The following STARD10 variants were observed in gnomAD, a reference collection of about 807,000 sequenced individuals.
STARD10 encodes StAR related lipid transfer domain containing 10, also known as START domain-containing protein 10.
A neutral mutation model predicts 36.0 loss-of-function variants in STARD10; 24 were observed. The ratio of observed to expected loss-of-function variants is 0.67; its 90% confidence interval spans 0.48 to 0.94. The LOEUF (loss-of-function observed/expected upper bound fraction) is 0.94. STARD10 is among the 40% of genes least tolerant of loss of function. The probability of loss-of-function intolerance (pLI) is 0.00; values close to 1 mark genes in which losing one functional copy is unlikely to be tolerated. For synonymous variants in STARD10, 156 were observed against 161.9 expected, an observed-to-expected ratio of 0.96 and a Z score of 0.28; for missense variants, 335 against 396.6, an observed-to-expected ratio of 0.84 and a Z score of 1.32.
rs1165817619 is a variant in STARD10 at position 72,793,343 on chromosome 11, G to T, written c.-582C>A. 6.6e-6 allele frequency: 1 copy of T among 152,224 alleles called. No individual in the cohort carries two copies. Among genetic ancestry groups the T allele is most frequent in the Non-Finnish European group, 1.5e-5 (1 of 68,040 alleles). The allele number at this position is 152,224 out of a possible 1,614,324, so 9.4% of individuals were successfully genotyped here. A position where few individuals can be genotyped will look rare whatever the true frequency, so the allele number is the denominator to read the frequency against. The stretch of plus-strand genomic sequence containing the variant: ...CTGTTTTCACCCCTGGATCTCATTT[G>T]ATCCTCCCAACAGCCTGTTTGCATT... On this transcript the variant is annotated 5_prime_UTR_variant, in exon 1 of 7. Coordinates refer to ENST00000334805, the MANE Select transcript of STARD10 (RefSeq NM_006645.3).
chr11:72,777,110 C>T (rs1858937694), intron 2 of STARD10, among the ~76,000 whole-genome samples: 1 of 152,224 alleles, frequency 6.6e-6, no homozygotes, highest in East Asian at 1.9e-4. Context: ...CCCAAGGCTG[C>T]CTGTGCAGTG....
At chr11:72,759,972 G>A (rs965786692) in intron 2 of STARD10, among the ~76,000 whole-genome samples, 14 of 151,536 alleles carry the variant, frequency 9.2e-5, no homozygotes, top group African/African-American at 3.4e-4. Context: ...GTGCAGTGGC[G>A]CGATCTTGGC....
intron 2 of STARD10, chr11:72,780,549 G>A (rs975669431): frequency 1.1e-5 from 4 of 355,098 alleles, no homozygotes; most frequent in Admixed American, 3.6e-5. Context: ...GCAGAAAGCG[G>A]GGAAGGAGAC....
chr11:72,756,376 G>GTCAT (rs1318763954), intron 5 of STARD10, among the ~76,000 whole-genome samples: 2 of 151,944 alleles, frequency 1.3e-5, no homozygotes, highest in African/African-American at 4.8e-5. Context: ...CCATCCTCTA[G>GTCAT]TCATTCACTC....
intron 1 of STARD10, among the ~76,000 whole-genome samples, chr11:72,789,664 G>A (rs184745538): frequency 2.5e-4 from 38 of 152,296 alleles, no homozygotes; most frequent in African/African-American, 6.7e-4. Context: ...CCAGGACCGC[G>A]TGAGGACTGG....
chr11:72,781,154 G>GCTCT lies in STARD10; in HGVS notation c.24_27dup (p.Pro10ArgfsTer12). On this transcript the variant is annotated frameshift_variant, in exon 2 of 7. Coordinates refer to ENST00000334805, the MANE Select transcript of STARD10 (RefSeq NM_006645.3). LOFTEE classifies it high-confidence loss of function. This position sits in a 1 kb window ranked among gnomAD's most constrained non-coding sequence, Gnocchi z 4.7. ...CCCAGGACCGGCCGAGGCCCTTGGG[G>GCTCT]CTCTGTAGAGGCCGCCAGCTTCTCC... 6.2e-7 allele frequency: 1 copy of GCTCT among 1,612,180 alleles called. No homozygotes were observed. The highest frequency in any genetic ancestry group is 8.5e-7 in the Non-Finnish European group (1 of 1,179,974).
Position 72,754,848 on chromosome 11 carries a change from G to A in STARD10, c.*49C>T, listed in dbSNP as rs1341999184. Reference sequence around the variant, plus strand: ...GGGAGAAAGTGCAGGAGCGGCCGCCGCCCCAGGGCTCGCCCGGTCCTGTCT... The same window carrying A: ...GGGAGAAAGTGCAGGAGCGGCCGCCACCCCAGGGCTCGCCCGGTCCTGTCT... On this transcript the variant is annotated 3_prime_UTR_variant, in exon 7 of 7. Transcript: ENST00000334805. The A allele has an allele frequency of 3.2e-6, 5 of 1,566,348 alleles. No individual in the cohort carries two copies. In the Admixed American group the frequency reaches 5.2e-5, roughly 16 times the overall value.
chr11:72,781,408 C>T lies in STARD10; in HGVS notation c.-113-114G>A. The T allele has an allele frequency of 1.8e-6, 1 of 559,844 alleles. No homozygotes were observed. The highest frequency in any genetic ancestry group is 2.1e-5 in the South Asian group (1 of 48,496). The allele number at this position is 559,844 out of a possible 1,614,324, so 34.7% of individuals were successfully genotyped here. On this transcript the variant is annotated intron_variant, in intron 1 of 6. Transcript: ENST00000334805. This position sits in a 1 kb window ranked among gnomAD's most constrained non-coding sequence, Gnocchi z 4.7. ...GGTAGGGGCTGGCCCCAGGGAAGGGCGGACGGGCGCTGGACAGCCTCGGGG... is the reference window on the plus strand; with the variant it reads ...GGTAGGGGCTGGCCCCAGGGAAGGGTGGACGGGCGCTGGACAGCCTCGGGG...
chr11:72,764,090 C>T (rs1858754152), intron 2 of STARD10, among the ~76,000 whole-genome samples: 1 of 152,190 alleles, frequency 6.6e-6, no homozygotes, highest in Non-Finnish European at 1.5e-5. Flanking sequence ...AATCTTCAAA[C>T]ATGTTATCCT....
At chr11:72,773,531 C>T (rs1858891572) in intron 2 of STARD10, among the ~76,000 whole-genome samples, 1 of 152,234 alleles carries the variant, frequency 6.6e-6, no homozygotes, top group Admixed American at 6.5e-5. Flanking sequence ...GAAACACACA[C>T]AGAGTCTCAC....
At chr11:72,755,867 G>A in intron 5 of STARD10, 114 bp from the exon 6 acceptor site, 2 of 972,304 alleles carry the variant, frequency 2.1e-6, no homozygotes, top group African/African-American at 1.7e-5. Context: ...TCCCCATGAG[G>A]AGGAGGTGTG....
chr11:72,781,656 C>G lies in STARD10; in HGVS notation c.-113-362G>C, dbSNP rs917772714. The G allele has an allele frequency of 6.7e-6, 1 of 148,718 alleles. No homozygotes were observed. The highest frequency in any genetic ancestry group is 2.4e-5 in the African/African-American group (1 of 40,968). The allele number at this position is 148,718 out of a possible 1,614,324, so 9.2% of individuals were successfully genotyped here. ...CAGGAGGGGCGCCCTCCAGGCCGGG[C>G]TGCTCACCTTTGCCCGCCGCTCCGC... On this transcript the variant is annotated intron_variant, in intron 1 of 6. Coordinates refer to ENST00000334805, the MANE Select transcript of STARD10 (RefSeq NM_006645.3). The surrounding 1 kb of genome is among the most constrained non-coding windows in gnomAD (Gnocchi z 4.7).
rs774191373 is a variant in STARD10, at chr11:72,755,140, G to A, written c.633C>T (p.Ala211=). The A allele has an allele frequency of 6.2e-7, 1 of 1,609,758 alleles. No individual in the cohort carries two copies. Among genetic ancestry groups the A allele is most frequent in the African/African-American group, 1.3e-5 (1 of 74,852 alleles). The change falls in exon 7 of 7, where the codon GCC becomes GCT. Residue 211 remains alanine, a splice_region_variant and synonymous_variant. Transcript: ENST00000334805. ...NKSSQFLAPK[A]MKKMYKACLK... is the part of the protein sequence containing the mutation. ...GGCACGCCTTGTACATCTTCTTCAT[G>A]GCCTGTGGGCCCGCCGCCCCGCCGG...
At chr11:72,790,056 GCA>G (rs1267920926) in intron 1 of STARD10, among the ~76,000 whole-genome samples, 1 of 152,148 alleles carries the variant, frequency 6.6e-6, no homozygotes, top group East Asian at 1.9e-4. Context: ...GCAGCCACAC[GCA>G]CACCAAGGAG....
At chr11:72,778,815 A>G (rs1858956793) in intron 2 of STARD10, among the ~76,000 whole-genome samples, 1 of 152,166 alleles carries the variant, frequency 6.6e-6, no homozygotes, top group South Asian at 2.1e-4. Context: ...AGGGATTACC[A>G]AGGGCTCTTT....
chr11:72,774,250 G>A (rs191716231), intron 2 of STARD10, among the ~76,000 whole-genome samples: 1 of 152,304 alleles, frequency 6.6e-6, no homozygotes, highest in Admixed American at 6.5e-5. Flanking sequence ...CAGTATATAT[G>A]TGCAGACATT....
intron 1 of STARD10, among the ~76,000 whole-genome samples, chr11:72,790,881 G>C (rs1236902355): frequency 3.3e-5 from 5 of 152,228 alleles, no homozygotes; most frequent in Non-Finnish European, 7.3e-5. Context: ...ACCCAGGGCA[G>C]GGTGTGGAGG....
At chr11:72,755,240 T>A in intron 6 of STARD10, 98 bp from the exon 7 acceptor site, 1 of 1,406,320 alleles carries the variant, frequency 7.1e-7, no homozygotes, top group Admixed American at 2.3e-5. Flanking sequence ...CCTGACTGGC[T>A]CCCTTTCAAA....
At chr11:72,775,475 G>A (rs1565242672) in intron 2 of STARD10, among the ~76,000 whole-genome samples, 2 of 152,104 alleles carry the variant, frequency 1.3e-5, no homozygotes, top group African/African-American at 4.8e-5. Flanking sequence ...TTCTCCAAAT[G>A]TACTACCCTG....
Sources: gnomAD v4.1 joint callset for allele counts (sites outside exome capture counted in the v4.1 genomes callset) on GRCh38, gnomAD v4.1.1 for gene constraint, Gnocchi (gnomAD v3.1) non-coding constraint, MANE v1.5 for transcripts, NCBI Gene and HGNC (gene_info 2026-07-23, HGNC 2026-07-21) for gene names.